Variants in CSMD1 observed in about 807,000 individuals in gnomAD.
CSMD1 encodes CUB and Sushi multiple domains 1.
CSMD1 carries 213 observed loss-of-function variants against 417.5 expected under a neutral mutation model. The observed-to-expected ratio is 0.51, with a 90% confidence interval of 0.46 to 0.57. CSMD1 has a LOEUF of 0.57. CSMD1 is among the 20% of genes least tolerant of loss of function. The pLI is 0.00. For synonymous variants in CSMD1, 2,862 were observed against 1,736.8 expected (o/e 1.65, Z -16.11); for missense variants, 6,923 against 4,529.7 (o/e 1.53, Z -15.17).
At chr8:4,096,498 G>C (rs968204475) in intron 3 of CSMD1, among the ~76,000 whole-genome samples, 3 of 152,262 alleles carry the variant, frequency 2.0e-5, no homozygotes, top group South Asian at 2.1e-4. Context: ...CTCAAATTAT[G>C]AGACAGCCAA....
At chr8:3,599,854 A>C (rs1801277593) in intron 8 of CSMD1, among the ~76,000 whole-genome samples, 1 of 152,180 alleles carries the variant, frequency 6.6e-6, no homozygotes, top group Non-Finnish European at 1.5e-5. Flanking sequence ...AAATTCTTTC[A>C]TACACAAGAA....
intron 2 of CSMD1, among the ~76,000 whole-genome samples, chr8:4,604,169 A>G (rs1288769350): frequency 6.6e-6 from 1 of 152,062 alleles, no homozygotes; most frequent in East Asian, 1.9e-4. Context: ...ACTCTATTCC[A>G]AAGTCCTCAC....
intron 1 of CSMD1, among the ~76,000 whole-genome samples, chr8:4,766,217 G>A (rs184497193): frequency 5.7e-4 from 87 of 152,238 alleles, no homozygotes; most frequent in Non-Finnish European, 1.0e-3. Flanking sequence ...AGCATGTGCT[G>A]GTGCGTTGGC....
chr8:4,468,320 G>T (rs1461350205), intron 2 of CSMD1, among the ~76,000 whole-genome samples: 12 of 146,910 alleles, frequency 8.2e-5, no homozygotes, highest in Admixed American at 5.5e-4. Flanking sequence ...TATTGACTGG[G>T]CGATAGGCCT....
intron 3 of CSMD1, among the ~76,000 whole-genome samples, chr8:4,339,436 G>A (rs896070557): frequency 3.9e-5 from 6 of 152,038 alleles, no homozygotes; most frequent in Non-Finnish European, 7.4e-5. Flanking sequence ...ATGAGAGGCT[G>A]GTGTTTGAAT....
chr8:4,469,109 T>G, intron 2 of CSMD1, among the ~76,000 whole-genome samples: 1 of 152,210 alleles, frequency 6.6e-6, no homozygotes, highest in Non-Finnish European at 1.5e-5. Context: ...GAGTTTGGTG[T>G]GGCCTCCCTG....
chr8:4,478,819 C>G (rs1177904457), intron 2 of CSMD1, among the ~76,000 whole-genome samples: 2 of 152,122 alleles, frequency 1.3e-5, no homozygotes, highest in Non-Finnish European at 2.9e-5. Context: ...AGAATAGTTT[C>G]AACATATTTC....
At chr8:4,626,597 T>A (rs190631290) in intron 2 of CSMD1, among the ~76,000 whole-genome samples, 26 of 152,142 alleles carry the variant, frequency 1.7e-4, no homozygotes, top group African/African-American at 6.3e-4. Context: ...GGAAATCCAG[T>A]CAGGGTCAGG....
chr8:4,027,906 G>C (rs955251604), intron 4 of CSMD1, among the ~76,000 whole-genome samples: 1 of 152,066 alleles, frequency 6.6e-6, no homozygotes, highest in Non-Finnish European at 1.5e-5. Flanking sequence ...TTTTTTCTGA[G>C]AGTGAGAATG....
intron 2 of CSMD1, among the ~76,000 whole-genome samples, chr8:4,472,546 T>C (rs906608411): frequency 6.6e-6 from 1 of 152,142 alleles, no homozygotes; most frequent in South Asian, 2.1e-4. Flanking sequence ...TTTAGAATTA[T>C]ATTCCAAAGA....
chr8:4,161,366 G>A (rs1049908149), intron 3 of CSMD1, among the ~76,000 whole-genome samples: 11 of 152,220 alleles, frequency 7.2e-5, no homozygotes, highest in African/African-American at 2.7e-4. Context: ...AAAAATGCAG[G>A]CTTTCAGCCA....
intron 3 of CSMD1, among the ~76,000 whole-genome samples, chr8:4,206,318 A>T (rs760024336): frequency 7.2e-5 from 11 of 152,098 alleles, no homozygotes; most frequent in Admixed American, 7.2e-4. Context: ...TACATTAGGT[A>T]TATCTCCTGA....
chr8:4,968,681 C>G (rs1192057236), intron 1 of CSMD1, among the ~76,000 whole-genome samples: 1 of 152,152 alleles, frequency 6.6e-6, no homozygotes, highest in Non-Finnish European at 1.5e-5. Context: ...TTAGCTATCT[C>G]TGCTTTCAAA....
chr8:4,063,304 A>T (rs1799076965), intron 3 of CSMD1, among the ~76,000 whole-genome samples: 1 of 152,148 alleles, frequency 6.6e-6, no homozygotes, highest in Admixed American at 6.6e-5. Flanking sequence ...AAAATTAGTT[A>T]CAATGTAAAA....
intron 5 of CSMD1, among the ~76,000 whole-genome samples, chr8:3,848,396 C>A (rs1186492248): frequency 6.6e-6 from 1 of 152,124 alleles, no homozygotes; most frequent in East Asian, 1.9e-4. Context: ...CTTCTCTAGG[C>A]ATAGTTGGTG....
At chr8:3,449,446 G>A (rs774230020) in intron 12 of CSMD1, among the ~76,000 whole-genome samples, 23 of 152,030 alleles carry the variant, frequency 1.5e-4, no homozygotes, top group Admixed American at 1.2e-3. Context: ...TCCTGGACTC[G>A]GAAAGTGAAT....
intron 5 of CSMD1, among the ~76,000 whole-genome samples, chr8:3,784,548 G>A (rs1009832006): frequency 2.0e-5 from 3 of 152,014 alleles, no homozygotes; most frequent in Non-Finnish European, 4.4e-5. Flanking sequence ...GGTCCCTCAT[G>A]GTCATAAAAT....
intron 7 of CSMD1, chr8:3,704,798 C>T (rs1321630123): frequency 6.6e-6 from 1 of 152,232 alleles, no homozygotes; most frequent in Non-Finnish European, 1.5e-5. Flanking sequence ...GAAATTCTCC[C>T]ATTCCTTGTC....
At chr8:3,944,522 A>T (rs1465138181) in intron 5 of CSMD1, among the ~76,000 whole-genome samples, 1 of 152,090 alleles carries the variant, frequency 6.6e-6, no homozygotes, top group African/African-American at 2.4e-5. Context: ...GCAGAGTTTG[A>T]GTTTTAATTA....
Sources: allele counts gnomAD v4.1 joint callset (sites outside exome capture counted in the v4.1 genomes callset), GRCh38; gene constraint gnomAD v4.1.1; transcripts MANE v1.5; gene names NCBI Gene and HGNC (gene_info 2026-07-23, HGNC 2026-07-21).